The following ALMS1 variants were observed in gnomAD, a reference collection of about 807,000 sequenced individuals.
ALMS1 encodes centrosome-associated protein ALMS1.
In ALMS1, 271 loss-of-function variants were observed where a neutral mutation model predicts 352.2. The observed-to-expected ratio is 0.77, with a 90% confidence interval of 0.70 to 0.85. The LOEUF is 0.85. ALMS1 is among the 40% of genes least tolerant of loss of function. ALMS1 has a pLI of 0.00. For missense variants in ALMS1, 5,445 were observed against 4,870.7 expected (o/e 1.12, Z -3.51); for synonymous variants, 1,865 against 1,761.2 (o/e 1.06, Z -1.48).
intron 10 of ALMS1, among the ~76,000 whole-genome samples, chr2:73,510,495 T>C (rs1355973753): frequency 6.6e-6 from 1 of 152,228 alleles, no homozygotes; most frequent in Non-Finnish European, 1.5e-5. Flanking sequence ...TGCTGGAGTT[T>C]ACTGGGGGTC....
intron 9 of ALMS1, among the ~76,000 whole-genome samples, chr2:73,477,803 T>G (rs772574613): frequency 1.5e-4 from 23 of 152,204 alleles, no homozygotes; most frequent in Non-Finnish European, 3.1e-4. Context: ...ATACAGTTGA[T>G]TTTTGTATAT....
intron 12 of ALMS1, among the ~76,000 whole-genome samples, chr2:73,541,958 A>G (rs571245759): frequency 5.3e-5 from 8 of 152,350 alleles, no homozygotes; most frequent in African/African-American, 1.9e-4. Flanking sequence ...AGCTGGTACC[A>G]TTCCTTCTGA....
chr2:73,455,820 A>G (rs1672048346), intron 9 of ALMS1, among the ~76,000 whole-genome samples: 2 of 152,112 alleles, frequency 1.3e-5, no homozygotes, highest in South Asian at 4.1e-4. Context: ...GAAAAATAAG[A>G]ACTGATTTGC....
At chr2:73,502,458 G>C (rs369628081) in intron 10 of ALMS1, among the ~76,000 whole-genome samples, 8 of 152,228 alleles carry the variant, frequency 5.3e-5, no homozygotes, top group African/African-American at 1.9e-4. Context: ...AAAACAAGTA[G>C]TAAAAGCAGA....
At chr2:73,593,386 T>A (rs1675472617) in intron 16 of ALMS1, among the ~76,000 whole-genome samples, 1 of 152,078 alleles carries the variant, frequency 6.6e-6, no homozygotes, top group Non-Finnish European at 1.5e-5. Context: ...AGTGCCCACC[T>A]TTTTTTAGGA....
intron 1 of ALMS1, among the ~76,000 whole-genome samples, chr2:73,402,279 T>TC (rs1670889192): frequency 2.0e-5 from 3 of 149,024 alleles, no homozygotes; most frequent in African/African-American, 7.4e-5. Context: ...TCTTTTTTTT[T>TC]TTTTTTTTTT....
intron 13 of ALMS1, among the ~76,000 whole-genome samples, chr2:73,551,763 T>G (rs984477569): frequency 2.2e-4 from 34 of 152,244 alleles, no homozygotes; most frequent in African/African-American, 7.2e-4. Flanking sequence ...GCTTTTTTTC[T>G]TCTGCACCCC....
At position 73,550,135 on chromosome 2, in the gene ALMS1, C is replaced by CA. The variant is rs1394047210; in HGVS notation, c.9908-131dup. On this transcript the variant is annotated intron_variant, in intron 12 of 22. Coordinates refer to ENST00000613296, the MANE Select transcript of ALMS1 (RefSeq NM_001378454.1). ...TCCACCTTCCAAAGTGCTGGGATTA[C>CA]AGGCATGAGCCATCGTGCCTGGCCT... 1.9e-4 allele frequency: 164 copies of CA among 875,188 alleles called. 2 individuals are homozygous for CA. The highest frequency in any genetic ancestry group is 4.0e-5 in the Non-Finnish European group (23 of 569,706). 54.2% of individuals were successfully genotyped at this position (875,188 alleles called of 1,614,324 possible).
In ALMS1 at chr2:73,573,332, T is replaced by C. The variant is rs761539239; in HGVS notation, c.11455T>C (p.Tyr3819His). ...CAGCATCACCAACCAACAGAGGAGA[T>C]ACCTTGAGAAGCGGAGCAAACACAG... Reference protein sequence around the residue: ...YSSITNQQRRYLEKRSKHSKK... With the variant: ...YSSITNQQRRHLEKRSKHSKK... The change falls in exon 16 of 23, where the codon TAC becomes CAC. Residue 3819 changes from tyrosine (Y) to histidine (H), a missense_variant. Tyr to His is a moderately conservative substitution (Grantham distance 83). Coordinates refer to ENST00000613296, the MANE Select transcript of ALMS1 (RefSeq NM_001378454.1). 1.2e-6 allele frequency: 2 copies of C among 1,614,092 alleles called. No individual in the cohort carries two copies. The highest frequency in any genetic ancestry group is 1.7e-6 in the Non-Finnish European group (2 of 1,180,004).
chr2:73,503,288 C>T (rs533111109), intron 10 of ALMS1, among the ~76,000 whole-genome samples: 1 of 152,100 alleles, frequency 6.6e-6, no homozygotes, highest in South Asian at 2.1e-4. Context: ...GTGATGTTCC[C>T]CTTCCTGTGT....
intron 10 of ALMS1, among the ~76,000 whole-genome samples, chr2:73,507,470 C>G (rs1405675737): frequency 6.6e-6 from 1 of 151,612 alleles, no homozygotes; most frequent in Non-Finnish European, 1.5e-5. Context: ...TTGGACTGTT[C>G]AGGGATTTGA....
chr2:73,603,284 A>C lies in ALMS1; in HGVS notation c.12342A>C (p.Glu4114Asp), dbSNP rs1382963608. 5 of 1,614,050 alleles carry C rather than the reference A, an allele frequency of 3.1e-6. No homozygotes were observed. The African/African-American group carries it at 6.7e-5, about 22-fold the overall frequency. The change falls in exon 21 of 23, where the codon GAA (glutamate) becomes GAC (aspartate). Residue 4114 changes from glutamate to aspartate, a missense_variant. Coordinates refer to ENST00000613296, the MANE Select transcript of ALMS1 (RefSeq NM_001378454.1). ...AGAACAAGCCTATCAGCAAGAAGGA[A>C]ATGATTCAGAGGTCCAAACGGTAAG... The part of the protein sequence containing the change: ...IQKNKPISKK[E>D]MIQRSKRIYE...
chr2:73,491,382 C>G lies in ALMS1; in HGVS notation c.9423C>G (p.Asp3141Glu), dbSNP rs1486652095. ...SLPDSNTITQ[D>E]LKTIPSQNSQ... ...CAGACAGTAACACTATTACTCAGGA[C>G]TTGAAAACCATACCTTCTCAGAATA... is the stretch of plus-strand genomic sequence containing the variant. The change falls in exon 10 of 23, where the codon GAC becomes GAG. Residue 3141 changes from aspartate (D) to glutamate (E), a missense_variant. Transcript: ENST00000613296. The G allele has an allele frequency of 4.3e-6, 7 of 1,614,176 alleles. No individual in the cohort carries two copies. Among genetic ancestry groups the G allele is most frequent in the Non-Finnish European group, 5.9e-6 (7 of 1,180,004 alleles).
intron 10 of ALMS1, among the ~76,000 whole-genome samples, 191 bp from the exon 11 acceptor site, chr2:73,519,584 G>A (rs1673629179): frequency 6.6e-6 from 1 of 152,048 alleles, no homozygotes; most frequent in Admixed American, 6.5e-5. Context: ...AAGTAAACAT[G>A]TGTGATAACA....
chr2:73,520,859 G>T (rs1269759871), intron 11 of ALMS1, among the ~76,000 whole-genome samples: 1 of 152,106 alleles, frequency 6.6e-6, no homozygotes, highest in Non-Finnish European at 1.5e-5. Context: ...TGAGTAAGTA[G>T]CAGGAAAATT....
intron 10 of ALMS1, among the ~76,000 whole-genome samples, chr2:73,508,207 C>CTTTT (rs562118895): frequency 4.6e-5 from 5 of 108,012 alleles, no homozygotes; most frequent in South Asian, 3.2e-4. Flanking sequence ...TCTTCTTCTT[C>CTTTT]TTTTTTTTTT....
chr2:73,423,021 GT>G (rs1671314505), intron 4 of ALMS1, 47 bp downstream of exon 4: 2 of 1,501,614 alleles, frequency 1.3e-6, no homozygotes, highest in Non-Finnish European at 1.9e-6. Context: ...CTTGTTCTAT[GT>G]TTTTACTAAT....
rs747436819 is a variant in ALMS1 at position 73,568,995 on chromosome 2, C to CTTT, written c.10385-3232_10385-3230dup. 1.5e-3 allele frequency among the ~76,000 whole-genome samples: 78 copies of CTTT among 53,556 alleles called. 29 individuals carry two copies. Among genetic ancestry groups the CTTT allele is most frequent in the Non-Finnish European group, 1.8e-3 (54 of 29,534 alleles). 35.1% of individuals were successfully genotyped at this position (53,556 alleles called of 152,430 possible). A position where few individuals can be genotyped will look rare whatever the true frequency, so the allele number is the denominator to read the frequency against. On this transcript the variant is annotated intron_variant, in intron 15 of 22. Coordinates refer to ENST00000613296, the MANE Select transcript of ALMS1 (RefSeq NM_001378454.1). ...AGCTTGCTTGCTGCTGCTTCTGCTT[C>CTTT]TTTTTTTTTTTTTTTTTTTTTTTTT...
At chr2:73,505,240 G>A (rs892257315) in intron 10 of ALMS1, among the ~76,000 whole-genome samples, 8 of 152,200 alleles carry the variant, frequency 5.3e-5, no homozygotes, top group African/African-American at 1.9e-4. Context: ...TATATACCCA[G>A]TAATGGGATT....
Sources: gnomAD v4.1 joint callset for allele counts (sites outside exome capture counted in the v4.1 genomes callset) on GRCh38, gnomAD v4.1.1 for gene constraint, MANE v1.5 for transcripts, NCBI Gene and HGNC (gene_info 2026-07-23, HGNC 2026-07-21) for gene names.